The following ARHGEF18 variants were observed in gnomAD, a reference collection of about 807,000 sequenced individuals.
ARHGEF18 encodes rho guanine nucleotide exchange factor 18.
ARHGEF18 carries 93 observed loss-of-function variants against 155.7 expected under a neutral mutation model. That is an observed-to-expected ratio of 0.60 (90% CI 0.50 to 0.71). The LOEUF is 0.71. ARHGEF18 is among the 30% of genes least tolerant of loss of function. ARHGEF18 has a pLI of 0.00. For synonymous variants in ARHGEF18, 742 were observed against 753.1 expected (o/e 0.99, Z 0.24); for missense variants, 1,593 against 1,816.1 (o/e 0.88, Z 2.23).
rs1045924453 is a variant in ARHGEF18 at position 7,378,457 on chromosome 19, T to C, written c.599+6T>C. ...CATGTGGAACCAGATCACGTGTGAG[T>C]TTCTGCCTCGTGGTGGGGGAGGGAC... is the stretch of plus-strand genomic sequence containing the variant. On this transcript the variant is annotated splice_donor_region_variant and intron_variant, in intron 6 of 28. Coordinates refer to ENST00000668164, the MANE Select transcript of ARHGEF18 (RefSeq NM_001367823.1). 6.5e-6 allele frequency: 8 copies of C among 1,233,548 alleles called. No homozygotes were observed. The highest frequency in any genetic ancestry group is 6.2e-5 in the African/African-American group (4 of 64,388). The allele number at this position is 1,233,548 out of a possible 1,614,324, so 76.4% of individuals were successfully genotyped here. A position where few individuals can be genotyped will look rare whatever the true frequency, so the allele number is the denominator to read the frequency against.
At chr19:7,351,124 A>C (rs557830423) in intron 1 of ARHGEF18, among the ~76,000 whole-genome samples, 60 of 152,112 alleles carry the variant, frequency 3.9e-4, no homozygotes, top group African/African-American at 1.4e-3. Flanking sequence ...TTGGTCTGTG[A>C]GATCTTAGTG....
intron 10 of ARHGEF18, among the ~76,000 whole-genome samples, chr19:7,414,388 G>A (rs1600354508): frequency 6.6e-6 from 1 of 152,236 alleles, no homozygotes; most frequent in South Asian, 2.1e-4. Context: ...AATAATACTA[G>A]TTTGAGGGCC....
chr19:7,384,621 T>C (rs969078951), intron 10 of ARHGEF18, among the ~76,000 whole-genome samples: 1 of 152,140 alleles, frequency 6.6e-6, no homozygotes, highest in African/African-American at 2.4e-5. Context: ...CTCCCTCTGT[T>C]AGGCAATCCC....
In ARHGEF18 at chr19:7,395,074, G is replaced by T. The variant is rs1224539138; in HGVS notation, c.967+11871G>T. On this transcript the variant is annotated intron_variant, in intron 10 of 28. Coordinates refer to ENST00000668164, the MANE Select transcript of ARHGEF18 (RefSeq NM_001367823.1). This position sits in a 1 kb window ranked among gnomAD's most constrained non-coding sequence, Gnocchi z 5.0. Reference sequence around the variant, plus strand: ...CGCCTCCTTCCGGGTCACGCCCTCTGCCCCGCCTCCGAGGCGGGATCGCGC... The same window carrying T: ...CGCCTCCTTCCGGGTCACGCCCTCTTCCCCGCCTCCGAGGCGGGATCGCGC... 8 of 985,376 alleles carry T rather than the reference G, an allele frequency of 8.1e-6. No homozygotes were observed. The highest frequency in any genetic ancestry group is 9.6e-6 in the Non-Finnish European group (8 of 829,974). 61.0% of individuals were successfully genotyped at this position (985,376 alleles called of 1,614,324 possible). A position where few individuals can be genotyped will look rare whatever the true frequency, so the allele number is the denominator to read the frequency against.
rs556006446 is a variant in ARHGEF18 at position 7,375,271 on chromosome 19, C to CAA, written c.276-437_276-436dup. Among the ~76,000 whole-genome samples the CAA allele has an allele frequency of 1.7e-4, 7 of 40,654 alleles. No individual in the cohort carries two copies. The East Asian group carries it at 3.9e-3, about 23-fold the overall frequency. The allele number at this position is 40,654 out of a possible 152,430, so 26.7% of individuals were successfully genotyped here. Reference sequence around the variant, plus strand: ...TGGGTGACAGAGTGAGACTCTGTCTCAAAAAAAAAAAAAGAAAGAAAAGAA... The same window carrying CAA: ...TGGGTGACAGAGTGAGACTCTGTCTCAAAAAAAAAAAAAAAGAAAGAAAAGAA... On this transcript the variant is annotated intron_variant, in intron 3 of 28. Transcript: ENST00000668164.
chr19:7,391,015 G>A (rs548617435), intron 10 of ARHGEF18, among the ~76,000 whole-genome samples: 34 of 152,142 alleles, frequency 2.2e-4, no homozygotes, highest in Admixed American at 2.0e-4. Context: ...ACTCCAGCCC[G>A]TTGACAGAGT....
rs548862942 is a variant in ARHGEF18, at chr19:7,418,254, TTTTTG to T, written c.968-22070_968-22066del. Among the ~76,000 whole-genome samples the T allele has an allele frequency of 1.1e-4, 16 of 152,130 alleles. No homozygotes were observed. In the East Asian group the frequency reaches 1.5e-3, roughly 15 times the overall value. ...ACTGGTTTTTTGTGTTTGTGGGGTTTTTTTGTTTTGTTTTGTTTTGTTTTAAGGCG... is the reference window on the plus strand; with the variant it reads ...ACTGGTTTTTTGTGTTTGTGGGGTTTTTTTGTTTTGTTTTGTTTTAAGGCG... On this transcript the variant is annotated intron_variant, in intron 10 of 28. Coordinates refer to ENST00000668164, the MANE Select transcript of ARHGEF18 (RefSeq NM_001367823.1).
At chr19:7,362,537 G>C (rs758297727) in intron 1 of ARHGEF18, among the ~76,000 whole-genome samples, 13 of 152,180 alleles carry the variant, frequency 8.5e-5, no homozygotes, top group Non-Finnish European at 1.8e-4. Context: ...GGGGGCAAAT[G>C]GCTAAGCAGG....
At chr19:7,387,374 G>A (rs780893778) in intron 10 of ARHGEF18, among the ~76,000 whole-genome samples, 1 of 151,870 alleles carries the variant, frequency 6.6e-6, no homozygotes, top group African/African-American at 2.4e-5. Flanking sequence ...GGATAATCTC[G>A]ATCTCCTGAC....
intron 10 of ARHGEF18, among the ~76,000 whole-genome samples, chr19:7,439,163 G>A (rs1473343194): frequency 1.3e-5 from 2 of 151,924 alleles, no homozygotes; most frequent in Non-Finnish European, 2.9e-5. Context: ...GATTACAGGC[G>A]TGAGCCACCG....
At chr19:7,373,157 A>G in intron 3 of ARHGEF18, 86 bp downstream of exon 3, 8 of 1,230,418 alleles carry the variant, frequency 6.5e-6, no homozygotes, top group Non-Finnish European at 8.1e-6. Flanking sequence ...GTCCTAAGAC[A>G]AGCCACCCCT....
intron 10 of ARHGEF18, among the ~76,000 whole-genome samples, chr19:7,413,807 C>T (rs187512108): frequency 2.6e-4 from 40 of 152,128 alleles, no homozygotes; most frequent in African/African-American, 9.2e-4. Context: ...CCATGCTCAT[C>T]GGTGGATGGA....
At position 7,467,365 on chromosome 19, in the gene ARHGEF18, C is replaced by T. The variant is rs1160520125; in HGVS notation, c.3161C>T (p.Ala1054Val). Reference sequence around the variant, plus strand: ...TTCGAGAAGCAGCGGGAGGAGCGCGCGGCCCTGGAGAAGCTGCAGAGCCAG... The same window carrying T: ...TTCGAGAAGCAGCGGGAGGAGCGCGTGGCCCTGGAGAAGCTGCAGAGCCAG... ...RNFEKQREER[A>V]ALEKLQSQLR... Residue 1054 changes from alanine (A) to valine (V), a missense_variant, in exon 26 of 29, where the codon GCG becomes GTG. By Grantham distance (64) the Ala-to-Val change is moderately conservative. Transcript: ENST00000668164. 10 of 1,534,600 alleles carry T rather than the reference C, an allele frequency of 6.5e-6. No homozygotes were observed. Among genetic ancestry groups the T allele is most frequent in the East Asian group, 4.9e-5 (2 of 40,900 alleles).
At chr19:7,389,317 A>ATTTT (rs1203819709) in intron 10 of ARHGEF18, among the ~76,000 whole-genome samples, 128 of 112,944 alleles carry the variant, frequency 1.1e-3, no homozygotes, top group Non-Finnish European at 1.7e-3. Flanking sequence ...TACCAGGATA[A>ATTTT]TTTTTTTTTT....
chr19:7,459,970 G>T lies in ARHGEF18; in HGVS notation c.2428G>T (p.Ala810Ser). ...GGAAAGGAAGGTGGTCGAGGCCCGC[G>T]CCACGAGACTCCGGGACTTTCAAGG... ...EEERKVVEARATRLRDFQERL... is the reference protein window; with the variant it reads ...EEERKVVEARSTRLRDFQERL... The change falls in exon 20 of 29, where the codon GCC (alanine) becomes TCC (serine). Residue 810 changes from alanine to serine, a missense_variant. Coordinates refer to ENST00000668164, the MANE Select transcript of ARHGEF18 (RefSeq NM_001367823.1). The T allele has an allele frequency of 1.3e-6, 2 of 1,584,990 alleles. No homozygotes were observed. The highest frequency in any genetic ancestry group is 2.3e-5 in the South Asian group (2 of 86,844).
chr19:7,379,268 C>T (rs1600232442), intron 7 of ARHGEF18, 102 bp downstream of exon 7: 1 of 1,041,474 alleles, frequency 9.6e-7, no homozygotes, highest in Non-Finnish European at 1.2e-6. Context: ...GTAGAGAAGA[C>T]TGGGTGAGGG....
chr19:7,362,158 GAGAAGAAGGAGAAGAAGGAGAAGA>G (rs1568265064), intron 1 of ARHGEF18, among the ~76,000 whole-genome samples: 1 of 22,184 alleles, frequency 4.5e-5, no homozygotes, highest in African/African-American at 3.6e-4. Context: ...GGAGAAGGAG[GAGAAGAAGGAGAAGAAGGAGAAGA>G]AGGAGAAGAA....
chr19:7,372,629 G>A (rs1341757837), intron 2 of ARHGEF18, among the ~76,000 whole-genome samples, 183 bp from the exon 3 acceptor site: 4 of 152,314 alleles, frequency 2.6e-5, no homozygotes, highest in African/African-American at 7.2e-5. Context: ...ACAGGGGACT[G>A]GGGGACTACT....
downstream of ARHGEF18, chr19:7,473,129 G>T (rs1977115463): frequency 4.4e-6 from 2 of 456,290 alleles, no homozygotes; most frequent in South Asian, 3.1e-5. Context: ...TCCATCTGGG[G>T]TGAGAGGCAG....
Sources: allele counts gnomAD v4.1 joint callset (sites outside exome capture counted in the v4.1 genomes callset), GRCh38; gene constraint gnomAD v4.1.1; non-coding constraint Gnocchi (gnomAD v3.1); transcripts MANE v1.5; gene names NCBI Gene and HGNC (gene_info 2026-07-23, HGNC 2026-07-21).